The following GALNS variants were observed in gnomAD, a reference collection of about 807,000 sequenced individuals.
GALNS encodes the protein galactosamine (N-acetyl)-6-sulfatase, also known as N-acetylgalactosamine-6-sulfatase.
Under a neutral mutation model 65.9 loss-of-function variants are expected in GALNS, and 65 were observed. The observed-to-expected ratio is 0.99, with a 90% CI of 0.81 to 1.21. GALNS has a LOEUF of 1.21. Among genes scored for constraint, GALNS ranks in the 50% most tolerant of loss-of-function variants. The probability of loss-of-function intolerance (pLI) is 0.00; values close to 1 mark genes in which losing one functional copy is unlikely to be tolerated. For missense variants in GALNS, 776 were observed against 700.7 expected, an observed-to-expected ratio of 1.11 and a Z score of -1.21; for synonymous variants, 346 against 288.9, an observed-to-expected ratio of 1.20 and a Z score of -2.00.
intron 13 of GALNS, among the ~76,000 whole-genome samples, chr16:88,814,858 C>A (rs144470934): frequency 2.3e-3 from 343 of 152,306 alleles, no homozygotes; most frequent in African/African-American, 7.8e-3. Context: ...CTTGGCCTCC[C>A]AAGGTGCTGG....
At chr16:88,856,718 CCCCACCCCGG>C in intron 1 of GALNS, 30 bp downstream of exon 1, 1 of 839,962 alleles carries the variant, frequency 1.2e-6, no homozygotes, top group Non-Finnish European at 1.8e-6. Flanking sequence ...CCCCTCCCCG[CCCCACCCCGG>C]CCCTGCCCCG....
At chr16:88,834,745 A>T (rs1911931071) in intron 8 of GALNS, among the ~76,000 whole-genome samples, 1 of 152,012 alleles carries the variant, frequency 6.6e-6, no homozygotes, top group African/African-American at 2.4e-5. Flanking sequence ...CATCCCAGGA[A>T]CCACTTGACA....
At chr16:88,851,894 G>C (rs1315208411) in intron 1 of GALNS, among the ~76,000 whole-genome samples, 1 of 152,256 alleles carries the variant, frequency 6.6e-6, no homozygotes, top group Non-Finnish European at 1.5e-5. Context: ...GCTCTGCAAA[G>C]CCTGCTGCCT....
intron 1 of GALNS, among the ~76,000 whole-genome samples, chr16:88,852,144 T>C (rs1300110939): frequency 6.6e-6 from 1 of 152,204 alleles, no homozygotes; most frequent in Non-Finnish European, 1.5e-5. Flanking sequence ...GGTGCCCCTC[T>C]GGGACAAAGC....
At chr16:88,856,371 C>T in intron 1 of GALNS, 1 of 701,666 alleles carries the variant, frequency 1.4e-6, no homozygotes, top group Non-Finnish European at 2.6e-6. Flanking sequence ...GGCCACGCTG[C>T]GCGCCCACCT....
intron 1 of GALNS, among the ~76,000 whole-genome samples, chr16:88,851,464 T>C (rs1967504969): frequency 6.6e-6 from 1 of 152,214 alleles, no homozygotes; most frequent in African/African-American, 2.4e-5. Flanking sequence ...CGGCGATTTC[T>C]GCATTTCCAA....
intron 1 of GALNS, among the ~76,000 whole-genome samples, chr16:88,851,541 G>A (rs975384565): frequency 2.6e-5 from 4 of 152,172 alleles, no homozygotes; most frequent in Admixed American, 6.5e-5. Context: ...AGGGTGAGCC[G>A]AAGCAGGGTG....
intron 4 of GALNS, chr16:88,838,029 G>C (rs1339440043): frequency 2.0e-6 from 1 of 490,106 alleles, no homozygotes; most frequent in East Asian, 3.6e-5. Context: ...CCTGCACGGT[G>C]AAGGGTGGTG....
At chr16:88,826,894 G>A in intron 9 of GALNS, 56 bp from the exon 10 acceptor site, 6 of 1,547,942 alleles carry the variant, frequency 3.9e-6, no homozygotes, top group Non-Finnish European at 5.2e-6. Flanking sequence ...CGATGGGGCT[G>A]GGGGCCAATC....
chr16:88,837,065 A>G (rs1912216070), intron 5 of GALNS, among the ~76,000 whole-genome samples: 1 of 152,266 alleles, frequency 6.6e-6, no homozygotes, highest in Admixed American at 6.5e-5. Flanking sequence ...ACCGTCATGT[A>G]ATGAATGAGC....
intron 1 of GALNS, chr16:88,856,556 G>A (rs1304719831): frequency 1.2e-5 from 8 of 677,598 alleles, no homozygotes; most frequent in Non-Finnish European, 1.9e-5. Flanking sequence ...CTCCCCGAGG[G>A]GCCTCCCCCT....
At chr16:88,822,836 G>T (rs1456949574) in intron 11 of GALNS, 126 bp from the exon 12 acceptor site, 1 of 1,429,804 alleles carries the variant, frequency 7.0e-7, no homozygotes, top group African/African-American at 1.4e-5. Context: ...GTGTCCTGGA[G>T]CCCCTAACTG....
In GALNS at chr16:88,832,565, G is replaced by A. The variant is rs1597560872; in HGVS notation, c.899-464C>T. On this transcript the variant is annotated intron_variant, in intron 8 of 13. Coordinates refer to ENST00000268695, the MANE Select transcript of GALNS (RefSeq NM_000512.5). ...TGTTTCTGACAAGCCCCCAAGACCG[G>A]ATTTTGGTTTCTGAACCATCACTTG... 1.2e-4 allele frequency among the ~76,000 whole-genome samples: 18 copies of A among 152,326 alleles called. No homozygotes were observed. The South Asian group carries it at 3.7e-3, about 32-fold the overall frequency.
intron 13 of GALNS, chr16:88,816,438 A>G: frequency 3.0e-6 from 3 of 985,404 alleles, no homozygotes; most frequent in South Asian, 4.7e-5. Flanking sequence ...CACTGAGTCC[A>G]GAGGCGGGGA....
intron 9 of GALNS, among the ~76,000 whole-genome samples, chr16:88,828,944 A>G (rs999427682): frequency 1.3e-5 from 2 of 151,630 alleles, no homozygotes; most frequent in African/African-American, 2.4e-5. Context: ...AGACCTACGC[A>G]GGTCCCGAGT....
At position 88,856,923 on chromosome 16, in the gene GALNS, C is replaced by G; in HGVS notation, c.-46G>C. ...AGCCCCGGCCAGCGAGCCGACCTAGCGAGCGTCCGCCGGCCCTTCCGGCTG... is the reference window on the plus strand; with the variant it reads ...AGCCCCGGCCAGCGAGCCGACCTAGGGAGCGTCCGCCGGCCCTTCCGGCTG... On this transcript the variant is annotated 5_prime_UTR_variant, in exon 1 of 14. Transcript: ENST00000268695. 1.1e-5 allele frequency: 17 copies of G among 1,482,958 alleles called. No individual in the cohort carries two copies. The highest frequency in any genetic ancestry group is 1.5e-5 in the Non-Finnish European group (17 of 1,125,012). 91.9% of individuals were successfully genotyped at this position (1,482,958 alleles called of 1,614,324 possible).
At chr16:88,815,622 C>A in intron 13 of GALNS, 8 of 985,484 alleles carry the variant, frequency 8.1e-6, no homozygotes, top group Non-Finnish European at 8.4e-6. Context: ...CCCATCCAGG[C>A]CACTTCTGTG....
chr16:88,847,662 G>C (rs1391944575), intron 1 of GALNS, among the ~76,000 whole-genome samples: 1 of 152,236 alleles, frequency 6.6e-6, no homozygotes, highest in Non-Finnish European at 1.5e-5. Flanking sequence ...CCACGACAGG[G>C]ACTAGAGTCT....
At chr16:88,829,752 G>A (rs1002211450) in intron 9 of GALNS, among the ~76,000 whole-genome samples, 15 of 152,372 alleles carry the variant, frequency 9.8e-5, no homozygotes, top group Non-Finnish European at 1.6e-4. Context: ...TTCCTGATGT[G>A]TAGAATGAGT....
Sources: gnomAD v4.1 joint callset for allele counts (sites outside exome capture counted in the v4.1 genomes callset) on GRCh38, gnomAD v4.1.1 for gene constraint, MANE v1.5 for transcripts, NCBI Gene and HGNC (gene_info 2026-07-23, HGNC 2026-07-21) for gene names.